TERB1: variants seen among roughly 807,000 people sequenced by gnomAD.
The protein encoded by TERB1 is telomere repeat binding bouquet formation protein 1, also known as telomere repeats-binding bouquet formation protein 1.
In TERB1, 63 loss-of-function variants were observed where a neutral mutation model predicts 92.3. The observed-to-expected ratio is 0.68, with a 90% CI of 0.56 to 0.84. TERB1 has a LOEUF of 0.84. Ranked by LOEUF, TERB1 falls within the 40% of genes least tolerant of loss-of-function variation. The pLI, the probability that TERB1 is intolerant of heterozygous loss-of-function variation, is 0.00. For synonymous variants in TERB1, 252 were observed against 283.9 expected (o/e 0.89, Z 1.13); for missense variants, 709 against 843.7 (o/e 0.84, Z 1.98).
At chr16:66,783,756 T>C (rs2018676303) in intron 9 of TERB1, among the ~76,000 whole-genome samples, 1 of 152,160 alleles carries the variant, frequency 6.6e-6, no homozygotes, top group South Asian at 2.1e-4. Flanking sequence ...AGTGGGTTCT[T>C]GCTATGTTGC....
At chr16:66,789,114 T>C (rs1484971715) in intron 5 of TERB1, among the ~76,000 whole-genome samples, 1 of 151,836 alleles carries the variant, frequency 6.6e-6, no homozygotes, top group Non-Finnish European at 1.5e-5. Context: ...TTGTACACTT[T>C]AAAATAACTA....
chr16:66,783,814 C>T (rs1477520361), intron 9 of TERB1, among the ~76,000 whole-genome samples: 2 of 152,186 alleles, frequency 1.3e-5, no homozygotes, highest in African/African-American at 4.8e-5. Flanking sequence ...ACACTATACC[C>T]TTGAACTTCT....
chr16:66,791,031 A>T lies in TERB1; in HGVS notation c.32-12T>A. The T allele has an allele frequency of 7.1e-7, 1 of 1,413,918 alleles. No homozygotes were observed. The highest frequency in any genetic ancestry group is 9.6e-7 in the Non-Finnish European group (1 of 1,039,390). 87.6% of individuals were successfully genotyped at this position (1,413,918 alleles called of 1,614,324 possible). On this transcript the variant is annotated splice_polypyrimidine_tract_variant and intron_variant, in intron 3 of 18. Coordinates refer to ENST00000433154, the MANE Select transcript of TERB1 (RefSeq NM_001136505.2). ...GTCAGTCTTCATTTCTAAAGAACAAAAATGTCATTATTTTAAACCAAAAGG... is the reference window on the plus strand; with the variant it reads ...GTCAGTCTTCATTTCTAAAGAACAATAATGTCATTATTTTAAACCAAAAGG...
At position 66,756,698 on chromosome 16, in the gene TERB1, C is replaced by G. The variant is rs557867908; in HGVS notation, c.1997-1535G>C. On this transcript the variant is annotated intron_variant, in intron 18 of 18. Coordinates refer to ENST00000433154, the MANE Select transcript of TERB1 (RefSeq NM_001136505.2). ...AGCCCTGGAGTTGATCATGTAAAGC[C>G]CCACTTTTCCATTGTGGCTGCCATC... Among the ~76,000 whole-genome samples, 38 of 152,148 alleles carry G rather than the reference C, an allele frequency of 2.5e-4. 1 individual carries two copies. The South Asian group carries it at 7.3e-3, about 29-fold the overall frequency.
chr16:66,789,017 C>CAAAAAAAAAAAAAAA (rs57876042), intron 5 of TERB1, among the ~76,000 whole-genome samples: 1 of 68,324 alleles, frequency 1.5e-5, no homozygotes, highest in Non-Finnish European at 3.0e-5. Context: ...GGTATGGTAC[C>CAAAAAAAAAAAAAAA]AAAAAAAAAA....
At chr16:66,768,249 T>C in intron 14 of TERB1, 81 bp from the exon 15 acceptor site, 1 of 1,161,830 alleles carries the variant, frequency 8.6e-7, no homozygotes. Context: ...AGCAGTGTTG[T>C]GATTTTCGGT....
intron 9 of TERB1, among the ~76,000 whole-genome samples, chr16:66,785,021 CTTTT>C (rs76944260): frequency 4.2e-5 from 5 of 118,230 alleles, no homozygotes; most frequent in Admixed American, 1.7e-4. Context: ...CTGCGTCTGG[CTTTT>C]TTTTTTTTTT....
chr16:66,786,874 AC>A (rs370396289), intron 6 of TERB1, among the ~76,000 whole-genome samples: 76 of 152,112 alleles, frequency 5.0e-4, no homozygotes, highest in African/African-American at 1.6e-3. Flanking sequence ...AGGCTGCCCT[AC>A]CCCCACCCAA....
At position 66,786,052 on chromosome 16, in the gene TERB1, C is replaced by T. The variant is rs1305526495; in HGVS notation, c.539G>A (p.Cys180Tyr). 3 of 1,551,648 alleles carry T rather than the reference C, an allele frequency of 1.9e-6. No individual in the cohort carries two copies. Among genetic ancestry groups the T allele is most frequent in the Non-Finnish European group, 2.6e-6 (3 of 1,146,878 alleles). ...FQSYQLWSSVCSTLCVCVNNP... is the reference protein window; with the variant it reads ...FQSYQLWSSVYSTLCVCVNNP... ...GTTGACACAGACACACAGAGTACTA[C>T]ACACTGAAGACCACAACTGATAACT... Residue 180 changes from cysteine (C) to tyrosine (Y), a missense_variant, in exon 8 of 19, where the codon TGT (cysteine) becomes TAT (tyrosine). Coordinates refer to ENST00000433154, the MANE Select transcript of TERB1 (RefSeq NM_001136505.2).
chr16:66,769,491 G>T (rs2018407326), intron 14 of TERB1, among the ~76,000 whole-genome samples: 1 of 152,166 alleles, frequency 6.6e-6, no homozygotes. Flanking sequence ...AAAAGACTAT[G>T]TTCTAGAGAC....
chr16:66,785,021 C>CA (rs1448346634), intron 9 of TERB1, among the ~76,000 whole-genome samples: 1 of 118,266 alleles, frequency 8.5e-6, no homozygotes, highest in Non-Finnish European at 1.8e-5. Context: ...CTGCGTCTGG[C>CA]TTTTTTTTTT....
At chr16:66,761,882 G>A (rs969294595) in intron 16 of TERB1, among the ~76,000 whole-genome samples, 5 of 152,074 alleles carry the variant, frequency 3.3e-5, no homozygotes, top group African/African-American at 9.7e-5. Flanking sequence ...GTGAAACCCC[G>A]TCTCTACTAA....
rs1003430392 is a variant in TERB1 at position 66,801,538 on chromosome 16, G to A, written c.-180C>T. ...GAGGCCGTGGCGTCTACCCTCAAGCGGGAGCTTCCGCCCTTTCTTCATCAC... is the reference window on the plus strand; with the variant it reads ...GAGGCCGTGGCGTCTACCCTCAAGCAGGAGCTTCCGCCCTTTCTTCATCAC... On this transcript the variant is annotated 5_prime_UTR_variant, in exon 1 of 19. Coordinates refer to ENST00000433154, the MANE Select transcript of TERB1 (RefSeq NM_001136505.2). 2.6e-5 allele frequency: 4 copies of A among 152,234 alleles called. No homozygotes were observed. The highest frequency in any genetic ancestry group is 2.1e-4 in the South Asian group (1 of 4,836). 9.4% of individuals were successfully genotyped at this position (152,234 alleles called of 1,614,324 possible).
At chr16:66,764,780 C>T (rs1422687856) in intron 16 of TERB1, among the ~76,000 whole-genome samples, 1 of 152,154 alleles carries the variant, frequency 6.6e-6, no homozygotes, top group Non-Finnish European at 1.5e-5. Context: ...GCAACACTGA[C>T]AGAAATGCAG....
At chr16:66,778,487 C>T (rs1376090154) in intron 10 of TERB1, among the ~76,000 whole-genome samples, 1 of 152,018 alleles carries the variant, frequency 6.6e-6, no homozygotes, top group Non-Finnish European at 1.5e-5. Flanking sequence ...GATCTCAGCT[C>T]CCTCACTGCA....
intron 16 of TERB1, among the ~76,000 whole-genome samples, chr16:66,763,367 T>G (rs1330740289): frequency 6.6e-6 from 1 of 152,204 alleles, no homozygotes; most frequent in South Asian, 2.1e-4. Flanking sequence ...TCATTTGTAC[T>G]ATAGTTTCTC....
intron 2 of TERB1, 49 bp downstream of exon 2, chr16:66,800,928 G>C (rs1959261928): frequency 6.6e-6 from 1 of 152,396 alleles, no homozygotes; most frequent in African/African-American, 2.4e-5. Context: ...CAAGGCGGGG[G>C]CGCTCACCCC....
intron 9 of TERB1, among the ~76,000 whole-genome samples, chr16:66,781,988 C>T (rs1250895419): frequency 6.6e-6 from 1 of 152,068 alleles, no homozygotes; most frequent in Non-Finnish European, 1.5e-5. Flanking sequence ...CTTTGCCTAC[C>T]CCCAAGGTGT....
chr16:66,773,997 A>G (rs1269341114), intron 12 of TERB1, among the ~76,000 whole-genome samples: 1 of 151,636 alleles, frequency 6.6e-6, no homozygotes, highest in Non-Finnish European at 1.5e-5. Context: ...CTTCTGCCTC[A>G]GCCTCCCGAG....
Sources: gnomAD v4.1 joint callset for allele counts (sites outside exome capture counted in the v4.1 genomes callset) on GRCh38, gnomAD v4.1.1 for gene constraint, MANE v1.5 for transcripts, NCBI Gene and HGNC (gene_info 2026-07-23, HGNC 2026-07-21) for gene names.